Variants in STAR observed in about 807,000 individuals in gnomAD.
STAR encodes the protein steroidogenic acute regulatory protein, mitochondrial.
Under a neutral mutation model 32.3 loss-of-function variants are expected in STAR, and 32 were observed. That is an observed-to-expected ratio of 0.99 (90% CI 0.75 to 1.33). The LOEUF is 1.33. STAR is among the 40% of genes most tolerant of loss of function. The pLI is 0.00. For missense variants in STAR, 375 were observed against 379.0 expected (o/e 0.99, Z 0.09); for synonymous variants, 134 against 140.5 (o/e 0.95, Z 0.33).
At chr8:38,145,834 T>G in intron 5 of STAR, 129 bp downstream of exon 5, 2 of 1,170,146 alleles carry the variant, frequency 1.7e-6, no homozygotes, top group Non-Finnish European at 2.5e-6. Context: ...GTATCTTCTT[T>G]TGTAGAAGGA....
rs1424205885 is a variant in STAR at position 38,146,067 on chromosome 8, A to G, written c.546T>C (p.Arg182=). Residue 182 remains arginine (R), a synonymous_variant, in exon 5 of 7, where the codon CGT becomes CGC. Coordinates refer to ENST00000276449, the MANE Select transcript of STAR (RefSeq NM_000349.3). ...AEAAGNLVGP[R]DFVSVRCAKR... ...TGGCACAGCGCACGCTCACAAAGTCACGGGGCCCCACCAGGTTTCCTGCTG... is the reference window on the plus strand; with the variant it reads ...TGGCACAGCGCACGCTCACAAAGTCGCGGGGCCCCACCAGGTTTCCTGCTG... The G allele has an allele frequency of 6.2e-7, 1 of 1,614,224 alleles. No individual in the cohort carries two copies.
At chr8:38,149,116 A>C (rs1226643261) in intron 1 of STAR, 1 of 321,206 alleles carries the variant, frequency 3.1e-6, no homozygotes, top group Non-Finnish European at 6.1e-6. Context: ...GTGTGCTTGC[A>C]TGAGTCTGTG....
intron 3 of STAR, among the ~76,000 whole-genome samples, chr8:38,146,767 CAA>C (rs1397231231): frequency 2.3e-5 from 2 of 85,570 alleles, no homozygotes; most frequent in Admixed American, 1.5e-4. Context: ...AGAGTTGTCT[CAA>C]AAAAAAAAAT....
At chr8:38,145,079 C>T in intron 6 of STAR, 143 bp downstream of exon 6, 1 of 1,518,622 alleles carries the variant, frequency 6.6e-7, no homozygotes, top group Non-Finnish European at 8.8e-7. Flanking sequence ...GCAGTTAGGC[C>T]ATCACTCCAG....
intron 6 of STAR, 83 bp downstream of exon 6, chr8:38,145,139 C>CT: frequency 6.3e-7 from 1 of 1,595,716 alleles, no homozygotes; most frequent in African/African-American, 1.3e-5. Flanking sequence ...GAAGAGGATT[C>CT]TTTCTGCAGC....
Position 38,148,296 on chromosome 8 carries a change from G to T in STAR, c.210C>A (p.Asp70Glu). ...GSRLEETLYS[D>E]QELAYLQQGE... ...CCTGCTGGAGATAGGCCAGCTCCTG[G>T]TCACTGTAGAGAGTCTCTTCCAGCC... is the stretch of plus-strand genomic sequence containing the variant. Residue 70 changes from aspartate (D) to glutamate (E), a missense_variant, in exon 3 of 7, where the codon GAC becomes GAA. Physicochemically the swap from Asp to Glu is conservative, Grantham distance 45. Coordinates refer to ENST00000276449, the MANE Select transcript of STAR (RefSeq NM_000349.3). The T allele has an allele frequency of 1.2e-6, 2 of 1,614,068 alleles. No homozygotes were observed.
chr8:38,145,970 C>T lies in STAR; in HGVS notation c.643G>A (p.Val215Ile). 1.9e-6 allele frequency: 3 copies of T among 1,613,932 alleles called. No homozygotes were observed. Among genetic ancestry groups the T allele is most frequent in the South Asian group, 1.1e-5 (1 of 91,070 alleles). Reference protein sequence around the residue: ...DFGNMPEQKGVIRAEHGPTCM... With the variant: ...DFGNMPEQKGIIRAEHGPTCM... ...GCCTGCTGCCCGTATTACCTGATGA[C>T]ACCCTTCTGCTCAGGCATGTTCCCG... The change falls in exon 5 of 7, where the codon GTC becomes ATC. Residue 215 changes from valine (V) to isoleucine (I), a missense_variant. Transcript: ENST00000276449.
chr8:38,148,101 C>A, intron 3 of STAR, 99 bp downstream of exon 3: 5 of 1,537,764 alleles, frequency 3.3e-6, no homozygotes, highest in Non-Finnish European at 4.5e-6. Context: ...CCAGTGACTG[C>A]TGCATGAGAC....
intron 6 of STAR, chr8:38,144,703 T>A: frequency 8.8e-7 from 1 of 1,131,888 alleles, no homozygotes. Flanking sequence ...TAACTACATA[T>A]AAGAGTTGAA....
At position 38,150,188 on chromosome 8, in the gene STAR, C is replaced by T. The variant is rs563806317; in HGVS notation, c.64+567G>A. Among the ~76,000 whole-genome samples the T allele has an allele frequency of 1.2e-3, 179 of 151,886 alleles. 2 individuals are homozygous for T. Among genetic ancestry groups the T allele is most frequent in the Middle Eastern group, 6.8e-3 (2 of 294 alleles). On this transcript the variant is annotated intron_variant, in intron 1 of 6. Coordinates refer to ENST00000276449, the MANE Select transcript of STAR (RefSeq NM_000349.3). ...CTTGAGCCCAGGGGGTCAAGACCAGCGTGACCAATATAGCAAGACATTGTC... is the reference window on the plus strand; with the variant it reads ...CTTGAGCCCAGGGGGTCAAGACCAGTGTGACCAATATAGCAAGACATTGTC...
chr8:38,145,491 A>C, intron 5 of STAR, 176 bp from the exon 6 acceptor site: 2 of 837,000 alleles, frequency 2.4e-6, no homozygotes, highest in Non-Finnish European at 3.8e-6. Context: ...TTACCAGCTC[A>C]TCAGAATAAA....
intron 6 of STAR, chr8:38,144,629 C>A: frequency 7.5e-7 from 1 of 1,334,440 alleles, no homozygotes; most frequent in Non-Finnish European, 9.7e-7. Context: ...TGACCCTGAA[C>A]CAGTTATGTT....
rs1333698133 is a variant in STAR, at chr8:38,145,210, C to T, written c.744+12G>A. 6.2e-7 allele frequency: 1 copy of T among 1,613,956 alleles called. No homozygotes were observed. Among genetic ancestry groups the T allele is most frequent in the Non-Finnish European group, 8.5e-7 (1 of 1,180,008 alleles). ...CCACCTGCCTTCCAGGTCCCCCTCCCATGCCCTTCACCTTGAGGTCGATGC... is the reference window on the plus strand; with the variant it reads ...CCACCTGCCTTCCAGGTCCCCCTCCTATGCCCTTCACCTTGAGGTCGATGC... On this transcript the variant is annotated intron_variant, in intron 6 of 6. Transcript: ENST00000276449.
At position 38,144,319 on chromosome 8, in the gene STAR, A is replaced by T. The variant is rs1563267188; in HGVS notation, c.812T>A (p.Leu271Gln). 1.1e-5 allele frequency: 17 copies of T among 1,609,912 alleles called. No individual in the cohort carries two copies. The highest frequency in any genetic ancestry group is 1.4e-5 in the Non-Finnish European group (17 of 1,178,352). The change falls in exon 7 of 7, where the codon CTG becomes CAG. Residue 271 changes from leucine (L) to glutamine (Q), a missense_variant. Coordinates refer to ENST00000276449, the MANE Select transcript of STAR (RefSeq NM_000349.3). ...AGGGTGGGACTCCAGGCGCTTGCGCAGGTGGTTGGCAAAATCCACCTGGGT... is the reference window on the plus strand; with the variant it reads ...AGGGTGGGACTCCAGGCGCTTGCGCTGGTGGTTGGCAAAATCCACCTGGGT... The part of the protein sequence containing the change: ...SQTQVDFANH[L>Q]RKRLESHPAS...
intron 2 of STAR, 56 bp downstream of exon 2, chr8:38,148,585 C>A: frequency 1.3e-6 from 2 of 1,531,952 alleles, no homozygotes; most frequent in Non-Finnish European, 1.8e-6. Context: ...CACCACATCA[C>A]CCTCCAGGGA....
Position 38,150,872 on chromosome 8 carries a change from G to A in STAR, c.-54C>T. 4 of 1,600,602 alleles carry A rather than the reference G, an allele frequency of 2.5e-6. No homozygotes were observed. Among genetic ancestry groups the A allele is most frequent in the South Asian group, 1.1e-5 (1 of 91,038 alleles). On this transcript the variant is annotated 5_prime_UTR_variant, in exon 1 of 7. Coordinates refer to ENST00000276449, the MANE Select transcript of STAR (RefSeq NM_000349.3). Reference sequence around the variant, plus strand: ...GGTCGCTGCCGCTGCTGCTGCCGCCGCTGCTGCTGCCTCTTCTCTCAAGGG... The same window carrying A: ...GGTCGCTGCCGCTGCTGCTGCCGCCACTGCTGCTGCCTCTTCTCTCAAGGG...
At position 38,144,225 on chromosome 8, in the gene STAR, C is replaced by T. The variant is rs1360714219; in HGVS notation, c.*48G>A. The T allele has an allele frequency of 4.5e-6, 7 of 1,540,664 alleles. No homozygotes were observed. Among genetic ancestry groups the T allele is most frequent in the Middle Eastern group, 1.7e-4 (1 of 5,954 alleles). ...TTCCAGTAGGGATTCTCCTGATGAG[C>T]GTGTGTACCAGTGCAGCTGGGCACA... On this transcript the variant is annotated 3_prime_UTR_variant, in exon 7 of 7. Coordinates refer to ENST00000276449, the MANE Select transcript of STAR (RefSeq NM_000349.3).
chr8:38,145,505 T>G lies in STAR; in HGVS notation c.651-190A>C, dbSNP rs112940838. 425 of 744,272 alleles carry G rather than the reference T, an allele frequency of 5.7e-4. 2 individuals carry two copies. Among genetic ancestry groups the G allele is most frequent in the African/African-American group, 5.5e-3 (319 of 57,674 alleles). The allele number at this position is 744,272 out of a possible 1,614,324, so 46.1% of individuals were successfully genotyped here. ...GTTACCAGCTCATCAGAATAAAGGC[T>G]GCTTGTAGCTGGAGCAGCCCCTGCG... On this transcript the variant is annotated intron_variant, in intron 5 of 6. Transcript: ENST00000276449.
chr8:38,144,402 G>A lies in STAR; in HGVS notation c.745-16C>T, dbSNP rs1802525999. Reference sequence around the variant, plus strand: ...GCAGCCACCCCTGCAGTAGGAGGTAGGAGAATTTGGCCATCTTGTGGGTTT... The same window carrying A: ...GCAGCCACCCCTGCAGTAGGAGGTAAGAGAATTTGGCCATCTTGTGGGTTT... On this transcript the variant is annotated splice_polypyrimidine_tract_variant and intron_variant, in intron 6 of 6. Coordinates refer to ENST00000276449, the MANE Select transcript of STAR (RefSeq NM_000349.3). The A allele has an allele frequency of 7.0e-6, 11 of 1,573,350 alleles. No individual in the cohort carries two copies. The highest frequency in any genetic ancestry group is 9.5e-6 in the Non-Finnish European group (11 of 1,159,294).
Sources: allele counts gnomAD v4.1 joint callset (sites outside exome capture counted in the v4.1 genomes callset), GRCh38; gene constraint gnomAD v4.1.1; transcripts MANE v1.5; gene names NCBI Gene and HGNC (gene_info 2026-07-23, HGNC 2026-07-21).